The following THADA variants were observed in gnomAD, a reference collection of about 807,000 sequenced individuals.
The protein encoded by THADA is tRNA (32-2'-O)-methyltransferase regulator THADA.
Under a neutral mutation model 219.8 loss-of-function variants are expected in THADA, and 213 were observed. The observed-to-expected ratio is 0.97, with a 90% CI of 0.87 to 1.09. The LOEUF (loss-of-function observed/expected upper bound fraction) is 1.09, where lower values mean the gene tolerates loss of function less well. Ranked by LOEUF, THADA falls within the 50% of genes least tolerant of loss-of-function variation. The probability of loss-of-function intolerance (pLI) is 0.00; values close to 1 mark genes in which losing one functional copy is unlikely to be tolerated. For missense variants in THADA, 2,956 were observed against 2,311.3 expected, an observed-to-expected ratio of 1.28 and a Z score of -5.72; for synonymous variants, 1,018 against 828.9, an observed-to-expected ratio of 1.23 and a Z score of -3.92.
At chr2:43,486,283 A>G (rs1483296784) in intron 25 of THADA, among the ~76,000 whole-genome samples, 1 of 152,190 alleles carries the variant, frequency 6.6e-6, no homozygotes, top group Non-Finnish European at 1.5e-5. Flanking sequence ...AACACAAATT[A>G]TTTCTCCAAG....
intron 4 of THADA, among the ~76,000 whole-genome samples, chr2:43,588,541 C>A (rs1236461693): frequency 1.3e-5 from 2 of 151,940 alleles, no homozygotes; most frequent in East Asian, 1.9e-4. Flanking sequence ...AACATTCTAA[C>A]AAGAAAATGT....
At chr2:43,431,342 T>C (rs979240775) in intron 26 of THADA, among the ~76,000 whole-genome samples, 1 of 152,134 alleles carries the variant, frequency 6.6e-6, no homozygotes, top group Non-Finnish European at 1.5e-5. Flanking sequence ...CATCATCCCA[T>C]AAAGATCCCC....
chr2:43,365,566 GACACACACACACAC>G (rs375762944), intron 29 of THADA, among the ~76,000 whole-genome samples: 4 of 143,516 alleles, frequency 2.8e-5, no homozygotes, highest in African/African-American at 7.8e-5. Context: ...GCAAGACTCT[GACACACACACACAC>G]ACACACACAC....
intron 36 of THADA, among the ~76,000 whole-genome samples, chr2:43,273,630 C>A (rs137978186): frequency 8.5e-5 from 13 of 152,142 alleles, no homozygotes; most frequent in Non-Finnish European, 1.3e-4. Flanking sequence ...GGGCCTGCTG[C>A]GGGTCTGAGA....
At chr2:43,241,809 G>C (rs930382082) in intron 36 of THADA, among the ~76,000 whole-genome samples, 4 of 152,056 alleles carry the variant, frequency 2.6e-5, no homozygotes, top group African/African-American at 4.8e-5. Context: ...CACTTGAGTG[G>C]TCTCTGTGGA....
intron 26 of THADA, among the ~76,000 whole-genome samples, chr2:43,476,055 T>A (rs777106320): frequency 6.6e-6 from 1 of 152,184 alleles, no homozygotes. Context: ...AGTCACGTGC[T>A]TCGGGGAGGA....
At chr2:43,460,238 TAAAAAAAAAAAAA>T (rs10560565) in intron 26 of THADA, among the ~76,000 whole-genome samples, 4 of 63,514 alleles carry the variant, frequency 6.3e-5, no homozygotes, top group Admixed American at 4.4e-4. Flanking sequence ...TTTCTCTTAA[TAAAAAAAAAAAAA>T]AAAAAAAAAA....
chr2:43,588,021 C>G (rs185593314), intron 4 of THADA, among the ~76,000 whole-genome samples: 3 of 152,218 alleles, frequency 2.0e-5, no homozygotes, highest in African/African-American at 7.2e-5. Flanking sequence ...AGAGGGATGA[C>G]TTAACACTGA....
In THADA at chr2:43,502,339, C is replaced by T. The variant is rs188433898; in HGVS notation, c.3621+3283G>A. Among the ~76,000 whole-genome samples, 39 of 152,210 alleles carry T rather than the reference C, an allele frequency of 2.6e-4. No homozygotes were observed. The East Asian group carries it at 6.4e-3, about 25-fold the overall frequency. On this transcript the variant is annotated intron_variant, in intron 24 of 37. Coordinates refer to ENST00000405975, the MANE Select transcript of THADA (RefSeq NM_022065.5). ...GTGGCTCACGCCGGTAATCCCAGCA[C>T]TTTGGGAGGCCAAGGCGGGAGAATC...
At chr2:43,251,893 A>C (rs548363981) in intron 36 of THADA, among the ~76,000 whole-genome samples, 19 of 152,284 alleles carry the variant, frequency 1.2e-4, no homozygotes, top group Non-Finnish European at 2.5e-4. Flanking sequence ...ATTGTGAGCA[A>C]ATTCTCCATA....
chr2:43,306,746 C>A (rs988314464), intron 31 of THADA, among the ~76,000 whole-genome samples: 3 of 152,190 alleles, frequency 2.0e-5, no homozygotes, highest in African/African-American at 7.2e-5. Flanking sequence ...TGAAGTCCAG[C>A]CCCAACATGG....
intron 36 of THADA, among the ~76,000 whole-genome samples, chr2:43,255,340 A>G (rs1172534963): frequency 6.6e-6 from 1 of 152,222 alleles, no homozygotes; most frequent in African/African-American, 2.4e-5. Context: ...ATGGCATGCT[A>G]AGTGGTTTTG....
chr2:43,582,252 T>C (rs541773978), intron 7 of THADA, among the ~76,000 whole-genome samples: 21 of 152,280 alleles, frequency 1.4e-4, no homozygotes, highest in African/African-American at 4.6e-4. Flanking sequence ...ATCCCAGCAC[T>C]TTGGTAGGCC....
chr2:43,514,703 T>C (rs1484359538), intron 22 of THADA, among the ~76,000 whole-genome samples: 1 of 80,816 alleles, frequency 1.2e-5, no homozygotes. Flanking sequence ...ATATATATAA[T>C]ATATATATAA....
intron 35 of THADA, among the ~76,000 whole-genome samples, chr2:43,284,644 C>T (rs917426451): frequency 1.3e-5 from 2 of 152,218 alleles, no homozygotes; most frequent in African/African-American, 4.8e-5. Context: ...TTAGAGCCCT[C>T]ACACAGAGTT....
At chr2:43,351,133 C>T (rs895417081) in intron 29 of THADA, among the ~76,000 whole-genome samples, 16 of 152,326 alleles carry the variant, frequency 1.1e-4, no homozygotes, top group Middle Eastern at 3.4e-3. Context: ...TGCCTGGTCT[C>T]TGCCTCCAGC....
intron 36 of THADA, among the ~76,000 whole-genome samples, chr2:43,270,050 T>C (rs1462721979): frequency 1.3e-5 from 2 of 152,140 alleles, no homozygotes; most frequent in African/African-American, 2.4e-5. Flanking sequence ...ATCTCACCCC[T>C]GCCAGCTCCT....
At chr2:43,255,858 G>C (rs1016037111) in intron 36 of THADA, among the ~76,000 whole-genome samples, 2 of 152,152 alleles carry the variant, frequency 1.3e-5, no homozygotes, top group Non-Finnish European at 2.9e-5. Context: ...CCCATCAAAG[G>C]TGAGAGATCT....
intron 36 of THADA, among the ~76,000 whole-genome samples, chr2:43,253,646 G>A (rs1367778467): frequency 4.6e-5 from 7 of 152,020 alleles, no homozygotes; most frequent in Non-Finnish European, 7.4e-5. Flanking sequence ...AAACTGCTAC[G>A]ATGGCCTAAA....
Sources: gnomAD v4.1 joint callset for allele counts (sites outside exome capture counted in the v4.1 genomes callset) on GRCh38, gnomAD v4.1.1 for gene constraint, MANE v1.5 for transcripts, NCBI Gene and HGNC (gene_info 2026-07-23, HGNC 2026-07-21) for gene names.